Variants in RMDN1 observed in about 807,000 individuals in gnomAD.
The protein encoded by RMDN1 is regulator of microtubule dynamics protein 1.
RMDN1 carries 48 observed loss-of-function variants against 48.9 expected under a neutral mutation model. The observed-to-expected ratio is 0.98, with a 90% confidence interval of 0.78 to 1.25. The LOEUF (loss-of-function observed/expected upper bound fraction) is 1.25. Ranked by LOEUF, RMDN1 falls within the 50% of genes most tolerant of loss-of-function variation. RMDN1 has a pLI of 0.00. For synonymous variants in RMDN1, 148 were observed against 132.6 expected, an observed-to-expected ratio of 1.12 and a Z score of -0.80; for missense variants, 418 against 373.4, an observed-to-expected ratio of 1.12 and a Z score of -0.98.
chr8:86,503,852 A>T (rs1818821047), intron 2 of RMDN1: 1 of 609,374 alleles, frequency 1.6e-6, no homozygotes, highest in Non-Finnish European at 3.1e-6. Context: ...GACAGGTGCA[A>T]TTCAATGCTT....
intron 7 of RMDN1, chr8:86,477,545 T>C (rs555087579): frequency 1.9e-4 from 79 of 411,082 alleles, no homozygotes; most frequent in Non-Finnish European, 3.1e-4. Flanking sequence ...TGGTAATAAC[T>C]TGGTTGCTGT....
chr8:86,486,066 G>A (rs1473683963), intron 4 of RMDN1, among the ~76,000 whole-genome samples: 1 of 152,116 alleles, frequency 6.6e-6, no homozygotes, highest in Non-Finnish European at 1.5e-5. Flanking sequence ...AGTCATTCTA[G>A]GTCTCAGTTG....
At chr8:86,499,995 T>C (rs761443673) in intron 2 of RMDN1, among the ~76,000 whole-genome samples, 15 of 152,204 alleles carry the variant, frequency 9.9e-5, no homozygotes, top group South Asian at 2.1e-4. Flanking sequence ...ATGCAGAAGA[T>C]AGAAACTAGA....
downstream of RMDN1, chr8:86,472,229 A>T: frequency 3.4e-6 from 2 of 593,040 alleles, no homozygotes; most frequent in Non-Finnish European, 6.0e-6. Context: ...GAACATCCCT[A>T]TTTCCAAAAA....
At chr8:86,505,951 C>T (rs1819270971) in intron 2 of RMDN1, among the ~76,000 whole-genome samples, 1 of 152,128 alleles carries the variant, frequency 6.6e-6, no homozygotes, top group African/African-American at 2.4e-5. Flanking sequence ...TAATAGTTTA[C>T]ATGTAGTAGT....
Position 86,472,781 on chromosome 8 carries a change from T to C in RMDN1, c.*1527A>G. 1 of 281,710 alleles carries C rather than the reference T, an allele frequency of 3.5e-6. No individual in the cohort carries two copies. 17.5% of individuals were successfully genotyped at this position (281,710 alleles called of 1,614,324 possible). A position where few individuals can be genotyped will look rare whatever the true frequency, so the allele number is the denominator to read the frequency against. ...GGTAGCATATACATTCAGTCAGGAA[T>C]GATGGTGACATCAACCAACCACAAA... On this transcript the variant is annotated 3_prime_UTR_variant, in exon 10 of 10. Coordinates refer to ENST00000406452, the MANE Select transcript of RMDN1 (RefSeq NM_016033.3).
chr8:86,483,679 T>TA (rs578201142), intron 5 of RMDN1, among the ~76,000 whole-genome samples: 51 of 152,334 alleles, frequency 3.3e-4, no homozygotes, highest in South Asian at 8.3e-4. Context: ...CACTAGTTGT[T>TA]ATATAAACTA....
At chr8:86,495,097 G>C (rs142451925) in intron 2 of RMDN1, 11 of 279,074 alleles carry the variant, frequency 3.9e-5, no homozygotes, top group Middle Eastern at 1.4e-3. Context: ...CCCACTGAGA[G>C]AGACCATCAT....
intron 7 of RMDN1, 84 bp from the exon 8 acceptor site, chr8:86,477,408 G>T: frequency 1.9e-6 from 2 of 1,058,298 alleles, no homozygotes; most frequent in Non-Finnish European, 2.7e-6. Context: ...AAGATCTACT[G>T]CTATATTATA....
intron 2 of RMDN1, among the ~76,000 whole-genome samples, chr8:86,503,375 A>AAAAAAAC (rs1554594042): frequency 0.017 from 1,492 of 86,964 alleles, 55 homozygotes; most frequent in African/African-American, 0.11. Flanking sequence ...ACAAAACAAA[A>AAAAAAAC]AAAAAAAAAA....
intron 3 of RMDN1, among the ~76,000 whole-genome samples, chr8:86,487,572 G>A (rs991013684): frequency 1.3e-5 from 2 of 151,834 alleles, no homozygotes; most frequent in Non-Finnish European, 2.9e-5. Context: ...TGGACAACAA[G>A]AGCAAAACTG....
intron 2 of RMDN1, chr8:86,504,750 C>T: frequency 9.5e-7 from 1 of 1,052,358 alleles, no homozygotes; most frequent in South Asian, 1.3e-5. Flanking sequence ...TGTGGCCGAA[C>T]TCTTCAGCCA....
Position 86,496,383 on chromosome 8 carries a change from T to C in RMDN1, c.248-7744A>G, listed in dbSNP as rs191327337. 2.2e-3 allele frequency among the ~76,000 whole-genome samples: 335 copies of C among 152,314 alleles called. 1 individual carries two copies. The highest frequency in any genetic ancestry group is 7.4e-3 in the Admixed American group (113 of 15,298). On this transcript the variant is annotated intron_variant, in intron 2 of 9. Transcript: ENST00000406452. The stretch of plus-strand genomic sequence containing the variant: ...TGGATAAAGATGCATAACCCAATTG[T>C]ATGCTGTCTTCAGGAGACTCATCTC...
Position 86,473,253 on chromosome 8 carries a change from T to TC in RMDN1, c.*1054_*1055insG. ...GAAAAATCCACCTACACACACAGTC[T>TC]GTCTTTATCTAAGTGGATTCAAGAT... On this transcript the variant is annotated 3_prime_UTR_variant, in exon 10 of 10. Transcript: ENST00000406452. 1.0e-6 allele frequency: 1 copy of TC among 985,064 alleles called. No homozygotes were observed. The highest frequency in any genetic ancestry group is 1.2e-6 in the Non-Finnish European group (1 of 829,904). 61.0% of individuals were successfully genotyped at this position (985,064 alleles called of 1,614,324 possible).
chr8:86,505,991 G>A (rs2131326205), intron 2 of RMDN1, among the ~76,000 whole-genome samples: 1 of 152,244 alleles, frequency 6.6e-6, no homozygotes, highest in South Asian at 2.1e-4. Context: ...TAACTAATAT[G>A]GGCATTGTAG....
At chr8:86,512,774 A>T (rs1820113729), upstream of RMDN1, among the ~76,000 whole-genome samples, 2 of 152,170 alleles carry the variant, frequency 1.3e-5, no homozygotes, top group Admixed American at 6.5e-5. Context: ...ATACGATTTT[A>T]AAAATGTTTA....
At chr8:86,468,404 C>A (rs1404482603), downstream of RMDN1, 2 of 450,918 alleles carry the variant, frequency 4.4e-6, no homozygotes, top group Admixed American at 4.8e-5. Context: ...TTATTATGAA[C>A]ACTCTGGTAA....
At position 86,508,640 on chromosome 8, in the gene RMDN1, G is replaced by T. The variant is rs777691715; in HGVS notation, c.-20C>A. 5 of 1,588,972 alleles carry T rather than the reference G, an allele frequency of 3.1e-6. No individual in the cohort carries two copies. Among genetic ancestry groups the T allele is most frequent in the Non-Finnish European group, 2.6e-6 (3 of 1,167,626 alleles). ...CGCCATGACCTGCAACTTGCGGGCT[G>T]ACCCTGCACTACTTCAGGCAGCTAC... On this transcript the variant is annotated 5_prime_UTR_variant, in exon 1 of 10. Coordinates refer to ENST00000406452, the MANE Select transcript of RMDN1 (RefSeq NM_016033.3).
intron 2 of RMDN1, among the ~76,000 whole-genome samples, chr8:86,503,385 A>AAAAAACAAAAC: frequency 1.2e-5 from 1 of 81,074 alleles, no homozygotes; most frequent in Middle Eastern, 4.9e-3. Flanking sequence ...AAAAAAAAAA[A>AAAAAACAAAAC]AAAACAAAAA....
Sources: gnomAD v4.1 joint callset for allele counts (sites outside exome capture counted in the v4.1 genomes callset) on GRCh38, gnomAD v4.1.1 for gene constraint, MANE v1.5 for transcripts, NCBI Gene and HGNC (gene_info 2026-07-23, HGNC 2026-07-21) for gene names.